Variants in DMBT1 observed in about 807,000 individuals in gnomAD.
DMBT1 encodes the protein scavenger receptor cysteine-rich domain-containing protein DMBT1.
In DMBT1, 198 loss-of-function variants were observed where a neutral mutation model predicts 252.9. That is an observed-to-expected ratio of 0.78 (90% CI 0.70 to 0.88). The LOEUF is 0.88. DMBT1 is among the 40% of genes least tolerant of loss of function. The pLI, the probability that DMBT1 is intolerant of heterozygous loss-of-function variation, is 0.00. For missense variants in DMBT1, 2,432 were observed against 2,404.7 expected (o/e 1.01, Z -0.24); for synonymous variants, 990 against 942.7 (o/e 1.05, Z -0.92).
At chr10:122,632,988 C>T in intron 51 of DMBT1, 98 bp downstream of exon 51, 2 of 1,570,866 alleles carry the variant, frequency 1.3e-6, no homozygotes, top group Non-Finnish European at 1.7e-6. Flanking sequence ...GAGATGGCTT[C>T]CCCCAAAGTG....
intron 5 of DMBT1, among the ~76,000 whole-genome samples, chr10:122,572,886 C>T (rs2097677734): frequency 6.6e-6 from 1 of 152,058 alleles, no homozygotes. Context: ...AGGAGGGAAC[C>T]CAGGCATTCT....
rs1404563993 is a variant in DMBT1, at chr10:122,592,464, A to G, written c.2369A>G (p.Gln790Arg). The G allele has an allele frequency of 1.3e-6, 2 of 1,588,076 alleles. No homozygotes were observed. Among genetic ancestry groups the G allele is most frequent in the Non-Finnish European group, 1.7e-6 (2 of 1,165,690 alleles). ...GCCCCAGGAAATGCCCGGTTTGGCC[A>G]GGGCTCAGGACCCATTGTTCTGGAT... ...TSAPGNARFG[Q>R]GSGPIVLDDV... is the part of the protein sequence containing the mutation. Residue 790 changes from glutamine to arginine, a missense_variant, in exon 20 of 56, where the codon CAG becomes CGG. By Grantham distance (43) the Gln-to-Arg change is conservative. Transcript: ENST00000338354.
rs1342975819 is a variant in DMBT1 at position 122,591,627 on chromosome 10, C to T, written c.2176+110C>T. The T allele has an allele frequency of 3.3e-6, 4 of 1,216,544 alleles. No homozygotes were observed. The African/African-American group carries it at 5.8e-5, about 18-fold the overall frequency. 75.4% of individuals were successfully genotyped at this position (1,216,544 alleles called of 1,614,324 possible). On this transcript the variant is annotated intron_variant, in intron 19 of 55. Coordinates refer to ENST00000338354, the MANE Select transcript of DMBT1 (RefSeq NM_001377530.1). ...AGGTGGGCCCCTGTCTTTTTCACATCCCTGTGCGCTGAGTGGGAGGAAGTT... is the reference window on the plus strand; with the variant it reads ...AGGTGGGCCCCTGTCTTTTTCACATTCCTGTGCGCTGAGTGGGAGGAAGTT...
At chr10:122,580,647 CA>C (rs1375090768) in intron 10 of DMBT1, among the ~76,000 whole-genome samples, 1 of 152,028 alleles carries the variant, frequency 6.6e-6, no homozygotes, top group African/African-American at 2.4e-5. Flanking sequence ...TGGGCAGACA[CA>C]ATTTGATCAC....
intron 50 of DMBT1, among the ~76,000 whole-genome samples, chr10:122,632,481 T>A (rs2098173292): frequency 6.6e-6 from 1 of 152,080 alleles, no homozygotes; most frequent in Non-Finnish European, 1.5e-5. Flanking sequence ...GCCTGCTCCA[T>A]CTACACGGAG....
At chr10:122,630,816 A>G (rs1351955077) in intron 48 of DMBT1, 145 bp from the exon 49 acceptor site, 1 of 889,354 alleles carries the variant, frequency 1.1e-6, no homozygotes, top group East Asian at 2.6e-5. Context: ...GGAGCGGTCC[A>G]GTACCTCCAC....
At chr10:122,568,979 G>A (rs527268020) in intron 2 of DMBT1, among the ~76,000 whole-genome samples, 3 of 152,332 alleles carry the variant, frequency 2.0e-5, no homozygotes, top group African/African-American at 4.8e-5. Flanking sequence ...GTATGTGTGC[G>A]TACATATGTG....
chr10:122,620,285 A>G lies in DMBT1; in HGVS notation c.5278A>G (p.Thr1760Ala), dbSNP rs1332106300. The G allele has an allele frequency of 6.2e-7, 1 of 1,613,912 alleles. No homozygotes were observed. Among genetic ancestry groups the G allele is most frequent in the East Asian group, 2.2e-5 (1 of 44,862 alleles). ...TWLTTNLPAL[T>A]VGSESSLALR... ...GCTGACCACCAACTTACCGGCATTG[A>G]CAGTAGGTAAATAATCCTCTCGCCC... The change falls in exon 43 of 56, where the codon ACA becomes GCA. Residue 1760 changes from threonine to alanine, a missense_variant. Thr to Ala is a moderately conservative substitution (Grantham distance 58). This residue lies in a region of DMBT1 where 1,162 missense variants were observed against 1,169.0 expected (regional missense o/e 0.99). Coordinates refer to ENST00000338354, the MANE Select transcript of DMBT1 (RefSeq NM_001377530.1).
Position 122,635,998 on chromosome 10 carries a change from G to C in DMBT1, c.6556G>C (p.Gly2186Arg). The part of the protein sequence containing the change: ...TVIFRDVQLE[G>R]GCNYDYIEVF... The stretch of plus-strand genomic sequence containing the variant: ...TGTGTCCTCTCTCTGCAGGCTTGAA[G>C]GTGGCTGCAACTATGATTATATTGA... The change falls in exon 53 of 56, where the codon GGT (glycine) becomes CGT (arginine). Residue 2186 changes from glycine (G) to arginine (R), a missense_variant. This residue lies in a region of DMBT1 where 1,162 missense variants were observed against 1,169.0 expected (regional missense o/e 0.99). Coordinates refer to ENST00000338354, the MANE Select transcript of DMBT1 (RefSeq NM_001377530.1). The C allele has an allele frequency of 6.2e-7, 1 of 1,613,954 alleles. No homozygotes were observed. Among genetic ancestry groups the C allele is most frequent in the Non-Finnish European group, 8.5e-7 (1 of 1,179,894 alleles).
chr10:122,577,000 T>C (rs1369142119), intron 7 of DMBT1, among the ~76,000 whole-genome samples: 1 of 152,222 alleles, frequency 6.6e-6, no homozygotes. Context: ...TTGGGGCAGT[T>C]GGCCTGTGGG....
At position 122,643,575 on chromosome 10, in the gene DMBT1, A is replaced by G; in HGVS notation, c.*177A>G. 2 of 925,808 alleles carry G rather than the reference A, an allele frequency of 2.2e-6. No homozygotes were observed. Among genetic ancestry groups the G allele is most frequent in the East Asian group, 2.7e-5 (1 of 37,506 alleles). 57.3% of individuals were successfully genotyped at this position (925,808 alleles called of 1,614,324 possible). On this transcript the variant is annotated 3_prime_UTR_variant, in exon 56 of 56. Transcript: ENST00000338354. ...CTCCCCCAAGGCTCATGGTCCTTGGAGGACCCGTTGCAGGGTGAGGTCAAG... is the reference window on the plus strand; with the variant it reads ...CTCCCCCAAGGCTCATGGTCCTTGGGGGACCCGTTGCAGGGTGAGGTCAAG...
intron 17 of DMBT1, among the ~76,000 whole-genome samples, chr10:122,589,788 A>G (rs2097830950): frequency 6.7e-6 from 1 of 148,386 alleles, no homozygotes; most frequent in Non-Finnish European, 1.5e-5. Flanking sequence ...TTCAACCACC[A>G]GTTCTTGCTA....
At chr10:122,566,605 C>T (rs1031138212) in intron 2 of DMBT1, among the ~76,000 whole-genome samples, 65 of 152,138 alleles carry the variant, frequency 4.3e-4, no homozygotes, top group Admixed American at 3.5e-3. Context: ...CCACTGCGCC[C>T]GGCCTACCTT....
rs746611067 is a variant in DMBT1, at chr10:122,586,085, G to C, written c.1485G>C (p.Arg495Ser). 1.4e-5 allele frequency: 22 copies of C among 1,588,890 alleles called. 3 individuals carry two copies. Among genetic ancestry groups the C allele is most frequent in the Middle Eastern group, 3.4e-4 (2 of 5,864 alleles). Residue 495 changes from arginine to serine, a missense_variant, in exon 16 of 56, where the codon AGG (arginine) becomes AGC (serine). Arg to Ser is a moderately radical substitution (Grantham distance 110, BLOSUM62 -1). Transcript: ENST00000338354. ...TVGSESSLAL[R>S]LVNGGDRCQG... ...GATCTGAATCCAGTTTGGCCCTGAG[G>C]CTGGTGAATGGAGGTGACAGGTGTC...
chr10:122,577,957 C>A, intron 8 of DMBT1, 117 bp downstream of exon 8: 2 of 1,156,854 alleles, frequency 1.7e-6, no homozygotes, highest in Non-Finnish European at 1.2e-6. Context: ...ATTATTTCAC[C>A]CCCAACTCTG....
intron 41 of DMBT1, among the ~76,000 whole-genome samples, 157 bp from the exon 42 acceptor site, chr10:122,619,151 C>T (rs1052833761): frequency 1.3e-5 from 2 of 152,222 alleles, no homozygotes; most frequent in Non-Finnish European, 2.9e-5. Context: ...TTATATGGTG[C>T]ATCTCTGTGG....
chr10:122,577,443 G>A (rs1457178360), intron 7 of DMBT1, among the ~76,000 whole-genome samples: 1 of 152,166 alleles, frequency 6.6e-6, no homozygotes, highest in African/African-American at 2.4e-5. Context: ...GTATCACCAG[G>A]AATCCACGTC....
intron 18 of DMBT1, among the ~76,000 whole-genome samples, chr10:122,591,241 G>T (rs1378228374): frequency 6.7e-6 from 1 of 148,652 alleles, no homozygotes; most frequent in Non-Finnish European, 1.5e-5. Context: ...ACCCTTTGTA[G>T]CTGAGAAGAG....
At chr10:122,565,890 A>C (rs530143743) in intron 1 of DMBT1, 77 bp from the exon 2 acceptor site, 306 of 1,472,102 alleles carry the variant, frequency 2.1e-4, no homozygotes, top group Non-Finnish European at 2.6e-4. Context: ...TGTACGGTGA[A>C]GCTAAAGCCA....
Sources: gnomAD v4.1 joint callset for allele counts (sites outside exome capture counted in the v4.1 genomes callset) on GRCh38, gnomAD v4.1.1 for gene constraint, gnomAD v4.1.1 regional missense constraint, MANE v1.5 for transcripts, NCBI Gene and HGNC (gene_info 2026-07-23, HGNC 2026-07-21) for gene names.